DGKB: variants seen among roughly 807,000 people sequenced by gnomAD.
DGKB encodes the protein 90 kDa diacylglycerol kinase.
DGKB carries 67 observed loss-of-function variants against 114.3 expected under a neutral mutation model. The observed-to-expected ratio is 0.59, with a 90% confidence interval of 0.48 to 0.72. The LOEUF (loss-of-function observed/expected upper bound fraction) is 0.72. Ranked by LOEUF, DGKB falls within the 30% of genes least tolerant of loss-of-function variation. DGKB has a pLI of 0.00. For synonymous variants in DGKB, 398 were observed against 323.1 expected (o/e 1.23, Z -2.49); for missense variants, 907 against 975.2 (o/e 0.93, Z 0.93).
chr7:14,213,268 G>A, intron 23 of DGKB, among the ~76,000 whole-genome samples: 1 of 151,828 alleles, frequency 6.6e-6, no homozygotes, highest in East Asian at 1.9e-4. Context: ...ATTTAAAGTT[G>A]CGCTTTCTCA....
intron 21 of DGKB, among the ~76,000 whole-genome samples, chr7:14,358,044 C>T (rs983580677): frequency 6.6e-6 from 1 of 152,052 alleles, no homozygotes; most frequent in Non-Finnish European, 1.5e-5. Context: ...TCATTTCAAC[C>T]TTGGTGAATC....
At chr7:14,879,602 T>A (rs1484735148) in intron 1 of DGKB, among the ~76,000 whole-genome samples, 1 of 152,344 alleles carries the variant, frequency 6.6e-6, no homozygotes, top group South Asian at 2.1e-4. Context: ...AGTATCTCCC[T>A]GTGATCTTTA....
At chr7:14,161,559 C>T (rs1783895660) in intron 25 of DGKB, among the ~76,000 whole-genome samples, 1 of 151,908 alleles carries the variant, frequency 6.6e-6, no homozygotes, top group Non-Finnish European at 1.5e-5. Context: ...AGCAAACTAA[C>T]ACAGGAACAG....
At chr7:14,630,411 C>T (rs757804361) in intron 13 of DGKB, 143 bp from the exon 14 acceptor site, 6 of 532,878 alleles carry the variant, frequency 1.1e-5, no homozygotes, top group Non-Finnish European at 2.0e-5. Flanking sequence ...TTACTGCTTC[C>T]TTGAATTAAA....
intron 20 of DGKB, among the ~76,000 whole-genome samples, chr7:14,537,750 T>C (rs1463121709): frequency 1.3e-5 from 2 of 152,096 alleles, no homozygotes; most frequent in Non-Finnish European, 2.9e-5. Context: ...TACTTCGATG[T>C]GGCACCAAAA....
intron 17 of DGKB, among the ~76,000 whole-genome samples, chr7:14,595,869 C>A (rs981537665): frequency 5.0e-4 from 76 of 151,990 alleles, no homozygotes; most frequent in African/African-American, 1.8e-3. Context: ...CTTAGCTTCA[C>A]AAGTCATCAT....
chr7:14,960,637 G>A (rs951565367), intron 1 of DGKB, among the ~76,000 whole-genome samples: 5 of 152,004 alleles, frequency 3.3e-5, no homozygotes, highest in Admixed American at 3.3e-4. Context: ...AATGAAGTTA[G>A]AGAAAATCCA....
intron 23 of DGKB, among the ~76,000 whole-genome samples, chr7:14,273,223 G>C (rs11760549): frequency 1.3e-5 from 2 of 151,994 alleles, no homozygotes; most frequent in Non-Finnish European, 2.9e-5. Flanking sequence ...GGGCAATCCC[G>C]TAGTCCCAGC....
chr7:14,478,803 G>C (rs191590471), intron 20 of DGKB, among the ~76,000 whole-genome samples: 24 of 149,458 alleles, frequency 1.6e-4, no homozygotes, highest in Middle Eastern at 3.5e-3. Flanking sequence ...TCGTTGAATA[G>C]AAAAAAAAAA....
At chr7:14,505,139 A>C (rs1786829519) in intron 20 of DGKB, among the ~76,000 whole-genome samples, 1 of 152,184 alleles carries the variant, frequency 6.6e-6, no homozygotes, top group South Asian at 2.1e-4. Flanking sequence ...TCTTAAGAAC[A>C]TGTTTTGTCT....
At chr7:14,327,187 G>A (rs1358881494) in intron 23 of DGKB, among the ~76,000 whole-genome samples, 1 of 152,060 alleles carries the variant, frequency 6.6e-6, no homozygotes, top group Non-Finnish European at 1.5e-5. Flanking sequence ...CCTCAAGAAT[G>A]AAAACACCTG....
intron 21 of DGKB, among the ~76,000 whole-genome samples, chr7:14,413,296 G>C (rs1215823980): frequency 3.3e-5 from 5 of 152,130 alleles, no homozygotes; most frequent in Admixed American, 3.3e-4. Context: ...AGATGACATA[G>C]AACTTTTACT....
intron 13 of DGKB, among the ~76,000 whole-genome samples, chr7:14,644,544 A>C (rs1348414002): frequency 2.0e-5 from 3 of 152,212 alleles, no homozygotes; most frequent in African/African-American, 7.2e-5. Context: ...ATAGAACTGA[A>C]GAATTCAATG....
chr7:14,885,337 C>T (rs1283438651), intron 1 of DGKB, among the ~76,000 whole-genome samples: 1 of 151,832 alleles, frequency 6.6e-6, no homozygotes, highest in South Asian at 2.1e-4. Flanking sequence ...ATATAGGAGG[C>T]AAACAAGATT....
intron 25 of DGKB, among the ~76,000 whole-genome samples, chr7:14,165,912 A>G (rs10226183): frequency 0.019 from 2,857 of 152,288 alleles, 84 homozygotes; most frequent in African/African-American, 0.065. Flanking sequence ...ATCACTGCAC[A>G]TTTCAGAAAG....
At chr7:14,797,124 T>C (rs1396121987) in intron 2 of DGKB, among the ~76,000 whole-genome samples, 3 of 152,196 alleles carry the variant, frequency 2.0e-5, no homozygotes, top group Non-Finnish European at 4.4e-5. Context: ...TTTTACTTTT[T>C]ACTTTCATGT....
intron 23 of DGKB, among the ~76,000 whole-genome samples, chr7:14,245,997 C>A (rs1334431153): frequency 6.6e-6 from 1 of 152,070 alleles, no homozygotes. Context: ...CTAGATTGGA[C>A]TGAAAATAGA....
chr7:14,193,395 C>T (rs1196772615), intron 23 of DGKB, among the ~76,000 whole-genome samples: 1 of 152,106 alleles, frequency 6.6e-6, no homozygotes, highest in Non-Finnish European at 1.5e-5. Context: ...ATACATTCAA[C>T]ACCTACAGCC....
chr7:14,358,785 G>T (rs560873346), intron 21 of DGKB, among the ~76,000 whole-genome samples: 1 of 152,094 alleles, frequency 6.6e-6, no homozygotes, highest in Non-Finnish European at 1.5e-5. Context: ...ACAAACCGCT[G>T]TTCAATGAAA....
Sources: gnomAD v4.1 joint callset for allele counts (sites outside exome capture counted in the v4.1 genomes callset) on GRCh38, gnomAD v4.1.1 for gene constraint, MANE v1.5 for transcripts, NCBI Gene and HGNC (gene_info 2026-07-23, HGNC 2026-07-21) for gene names.